Variants in LIPN observed in about 807,000 individuals in gnomAD.
LIPN encodes lipase family member N.
LIPN carries 32 observed loss-of-function variants against 43.7 expected under a neutral mutation model. That is an observed-to-expected ratio of 0.73 (90% CI 0.55 to 0.98). The LOEUF is 0.98. Among genes scored for constraint, LIPN ranks in the 50% least tolerant of loss-of-function variants. LIPN has a pLI of 0.00. For missense variants in LIPN, 505 were observed against 483.8 expected (o/e 1.04, Z -0.41); for synonymous variants, 156 against 157.6 (o/e 0.99, Z 0.08).
intron 3 of LIPN, among the ~76,000 whole-genome samples, chr10:88,763,488 A>G (rs1324120872): frequency 6.6e-6 from 1 of 152,090 alleles, no homozygotes; most frequent in African/African-American, 2.4e-5. Flanking sequence ...TAAATACTTT[A>G]TATCAGTTAA....
At chr10:88,762,041 TAA>T in intron 2 of LIPN, 145 bp from the exon 3 acceptor site, 1 of 500,302 alleles carries the variant, frequency 2.0e-6, no homozygotes. Context: ...TATTTTGTAT[TAA>T]GACTTTATTT....
In LIPN at chr10:88,770,927, T is replaced by G; in HGVS notation, c.755T>G (p.Leu252Arg). 6.4e-7 allele frequency: 1 copy of G among 1,558,246 alleles called. No individual in the cohort carries two copies. ...ASTKICNNKI[L>R]WLICSEFMSL... ...ACCAAAATCTGCAACAATAAGATACTCTGGTTGATATGTAGCGAATTTATG... is the reference window on the plus strand; with the variant it reads ...ACCAAAATCTGCAACAATAAGATACGCTGGTTGATATGTAGCGAATTTATG... The change falls in exon 7 of 10, where the codon CTC becomes CGC. Residue 252 changes from leucine (L) to arginine (R), a missense_variant. By Grantham distance (102) the Leu-to-Arg change is moderately radical. Transcript: ENST00000404459.
upstream of LIPN, among the ~76,000 whole-genome samples, chr10:88,758,403 T>C (rs1186534798): frequency 6.7e-6 from 1 of 149,082 alleles, no homozygotes; most frequent in Non-Finnish European, 1.5e-5. Flanking sequence ...TTCTAGAGAG[T>C]AGGGGCTACC....
chr10:88,769,116 G>T (rs1263755424), intron 6 of LIPN, among the ~76,000 whole-genome samples, 188 bp downstream of exon 6: 2 of 151,876 alleles, frequency 1.3e-5, no homozygotes, highest in African/African-American at 2.4e-5. Context: ...GTATCTGCAG[G>T]TTCTGTAATA....
rs201930269 is a variant in LIPN, at chr10:88,768,882, C to T, written c.626C>T (p.Thr209Met). Residue 209 changes from threonine (T) to methionine (M), a missense_variant, in exon 6 of 10, where the codon ACG (threonine) becomes ATG (methionine). Transcript: ENST00000404459. Reference protein sequence around the residue: ...LGPTISFKYPTGIFTRFFLLP... With the variant: ...LGPTISFKYPMGIFTRFFLLP... ...CCTACGATCTCATTCAAATATCCCA[C>T]GGGCATTTTTACCAGGTTTTTTCTA... 6.1e-5 allele frequency: 98 copies of T among 1,611,152 alleles called. No individual in the cohort carries two copies. In the East Asian group the frequency reaches 1.3e-3, roughly 21 times the overall value.
intron 6 of LIPN, among the ~76,000 whole-genome samples, chr10:88,769,784 T>C (rs993553091): frequency 9.2e-5 from 14 of 151,894 alleles, no homozygotes; most frequent in Non-Finnish European, 7.4e-5. Context: ...CTAATAATAG[T>C]TAGGTCTGAT....
At chr10:88,774,121 A>C (rs188359597) in intron 7 of LIPN, among the ~76,000 whole-genome samples, 1 of 152,052 alleles carries the variant, frequency 6.6e-6, no homozygotes, top group Non-Finnish European at 1.5e-5. Context: ...AATCTGTGAC[A>C]GTGCACCTGG....
chr10:88,770,763 T>C, intron 6 of LIPN, 82 bp from the exon 7 acceptor site: 1 of 827,634 alleles, frequency 1.2e-6, no homozygotes, highest in Non-Finnish European at 1.9e-6. Flanking sequence ...TCCTTATATA[T>C]TCTGGTTACT....
chr10:88,773,275 G>A (rs1791007918), intron 7 of LIPN, among the ~76,000 whole-genome samples: 1 of 151,880 alleles, frequency 6.6e-6, no homozygotes, highest in African/African-American at 2.4e-5. Flanking sequence ...ATTCCCTGGT[G>A]AAATTTAGGA....
chr10:88,769,982 T>A (rs1843177622), intron 6 of LIPN, among the ~76,000 whole-genome samples: 1 of 151,966 alleles, frequency 6.6e-6, no homozygotes, highest in African/African-American at 2.4e-5. Context: ...GAGATACATC[T>A]ATCTGTAAAT....
intron 3 of LIPN, 90 bp from the exon 4 acceptor site, chr10:88,764,320 G>A (rs112966545): frequency 1.5e-5 from 15 of 982,928 alleles, no homozygotes; most frequent in Admixed American, 6.6e-5. Flanking sequence ...TGATGTTTCC[G>A]ACATGCTCTA....
At chr10:88,768,015 TACACACACAC>T (rs60861050) in intron 5 of LIPN, among the ~76,000 whole-genome samples, 22,325 of 140,820 alleles carry the variant, frequency 0.16, 1,929 homozygotes, top group African/African-American at 0.25. Flanking sequence ...AGTGTTTCAG[TACACACACAC>T]ACACACACAC....
chr10:88,764,681 T>C lies in LIPN; in HGVS notation c.425+73T>C, dbSNP rs895376963. On this transcript the variant is annotated intron_variant, in intron 4 of 9. Transcript: ENST00000404459. ...AAAAAAATAACGTGGACGCTATTAA[T>C]GATTATCTTTGACGCTTGAAGTCAT... 13 of 1,076,704 alleles carry C rather than the reference T, an allele frequency of 1.2e-5. No individual in the cohort carries two copies. In the African/African-American group the frequency reaches 1.9e-4, roughly 16 times the overall value. The allele number at this position is 1,076,704 out of a possible 1,614,324, so 66.7% of individuals were successfully genotyped here. A position where few individuals can be genotyped will look rare whatever the true frequency, so the allele number is the denominator to read the frequency against.
chr10:88,763,256 T>C (rs1324681901), intron 3 of LIPN, among the ~76,000 whole-genome samples: 3 of 152,070 alleles, frequency 2.0e-5, no homozygotes. Flanking sequence ...AAAAAGTCAT[T>C]ATTTATTCAC....
Position 88,778,188 on chromosome 10 carries a change from T to A in LIPN, c.1143T>A (p.Asp381Glu). 1 of 1,613,180 alleles carries A rather than the reference T, an allele frequency of 6.2e-7. No homozygotes were observed. Among genetic ancestry groups the A allele is most frequent in the Non-Finnish European group, 8.5e-7 (1 of 1,179,538 alleles). ...ACTTTGATTTTGTCTGGGGCCTCGA[T>A]GCCCCTCAACGGATGTACAGTGAAA... ...WNHFDFVWGL[D>E]APQRMYSEII... The change falls in exon 10 of 10, where the codon GAT (aspartate) becomes GAA (glutamate). Residue 381 changes from aspartate (D) to glutamate (E), a missense_variant. Asp to Glu is a conservative substitution (Grantham distance 45). Coordinates refer to ENST00000404459, the MANE Select transcript of LIPN (RefSeq NM_001102469.2).
At chr10:88,763,712 A>C (rs934625859) in intron 3 of LIPN, among the ~76,000 whole-genome samples, 1 of 151,946 alleles carries the variant, frequency 6.6e-6, no homozygotes, top group Non-Finnish European at 1.5e-5. Context: ...GGTTCTTTGG[A>C]TCTCCCTGAA....
chr10:88,779,004 A>G lies in LIPN; in HGVS notation c.*762A>G, dbSNP rs1843343114. ...TGAACATTCCATGAAAAACTGACAG[A>G]TAGGAAACTGACAATAAAAGATTGA... On this transcript the variant is annotated 3_prime_UTR_variant, in exon 10 of 10. Transcript: ENST00000404459. Among the ~76,000 whole-genome samples the G allele has an allele frequency of 6.6e-6, 1 of 152,164 alleles. No homozygotes were observed. The highest frequency in any genetic ancestry group is 2.4e-5 in the African/African-American group (1 of 41,432).
At chr10:88,759,633 A>G (rs893973478), upstream of LIPN, among the ~76,000 whole-genome samples, 17 of 152,068 alleles carry the variant, frequency 1.1e-4, no homozygotes, top group Admixed American at 6.6e-5. Flanking sequence ...GCACATCCCT[A>G]CGCACTGCAT....
rs1590176029 is a variant in LIPN, at chr10:88,766,291, G to T, written c.448G>T (p.Asp150Tyr). 1.2e-6 allele frequency: 2 copies of T among 1,602,176 alleles called. No homozygotes were observed. Among genetic ancestry groups the T allele is most frequent in the East Asian group, 4.5e-5 (2 of 44,710 alleles). ...CAGTTTTGATGAAATGGCCAAATAT[G>T]ATCTCCCAGGAGTAATAGACTTCAT... is the stretch of plus-strand genomic sequence containing the variant. ...AFSFDEMAKY[D>Y]LPGVIDFIVN... is the part of the protein sequence containing the mutation. Residue 150 changes from aspartate to tyrosine, a missense_variant, in exon 5 of 10, where the codon GAT becomes TAT. Transcript: ENST00000404459.
Sources: gnomAD v4.1 joint callset for allele counts (sites outside exome capture counted in the v4.1 genomes callset) on GRCh38, gnomAD v4.1.1 for gene constraint, MANE v1.5 for transcripts, NCBI Gene and HGNC (gene_info 2026-07-23, HGNC 2026-07-21) for gene names.